The following PAX2 variants were observed in gnomAD, a reference collection of about 807,000 sequenced individuals.
PAX2 encodes the protein paired box protein Pax-2.
PAX2 carries 9 observed loss-of-function variants against 41.7 expected under a neutral mutation model. The observed-to-expected ratio is 0.22, with a 90% CI of 0.13 to 0.38. The LOEUF (loss-of-function observed/expected upper bound fraction) is 0.38. Among genes scored for constraint, PAX2 ranks in the 10% least tolerant of loss-of-function variants. The pLI is 1.00. For synonymous variants in PAX2, 221 were observed against 212.7 expected, an observed-to-expected ratio of 1.04 and a Z score of -0.34; for missense variants, 418 against 531.6, an observed-to-expected ratio of 0.79 and a Z score of 2.10.
chr10:100,761,463 T>C (rs1185180979), intron 3 of PAX2, among the ~76,000 whole-genome samples: 2 of 152,174 alleles, frequency 1.3e-5, no homozygotes, highest in African/African-American at 2.4e-5. Context: ...CCTTAGGAGA[T>C]GACCTCCCAG....
rs527656794 is a variant in PAX2, at chr10:100,748,508, A to AGG, written c.44-1235_44-1234dup. The AGG allele has an allele frequency of 3.4e-4, 332 of 985,130 alleles. 2 individuals are homozygous for AGG. The African/African-American group carries it at 5.3e-3, about 16-fold the overall frequency. 61.0% of individuals were successfully genotyped at this position (985,130 alleles called of 1,614,324 possible). On this transcript the variant is annotated intron_variant, in intron 1 of 9. Transcript: ENST00000355243. This position sits in a 1 kb window ranked among gnomAD's most constrained non-coding sequence, Gnocchi z 5.0. ...GAAACTCGCGTGAGGCTAGCGGGGCAGGGGCTGCAGCTTGCCAGTCCGGGC... is the reference window on the plus strand; with the variant it reads ...GAAACTCGCGTGAGGCTAGCGGGGCAGGGGGGCTGCAGCTTGCCAGTCCGGGC...
intron 3 of PAX2, among the ~76,000 whole-genome samples, chr10:100,769,626 G>GAAAAAAATAA (rs1326957197): frequency 7.9e-6 from 1 of 126,958 alleles, no homozygotes; most frequent in African/African-American, 2.9e-5. Context: ...ATCTCAAAAA[G>GAAAAAAATAA]AATAAAATAA....
At chr10:100,783,659 C>CTT (rs36041109) in intron 5 of PAX2, among the ~76,000 whole-genome samples, 1,994 of 118,382 alleles carry the variant, frequency 0.017, 56 homozygotes, top group East Asian at 0.044. Flanking sequence ...GGAGTTTGGG[C>CTT]TTTTTTTTTT....
At chr10:100,761,655 G>A (rs1329404064) in intron 3 of PAX2, among the ~76,000 whole-genome samples, 1 of 152,204 alleles carries the variant, frequency 6.6e-6, no homozygotes, top group Non-Finnish European at 1.5e-5. Flanking sequence ...AGTACTCTGG[G>A]CCTTTGTTTA....
intron 5 of PAX2, among the ~76,000 whole-genome samples, chr10:100,802,099 G>A (rs1169778547): frequency 1.3e-5 from 2 of 152,132 alleles, no homozygotes; most frequent in African/African-American, 4.8e-5. Context: ...CCCTCTATGG[G>A]GACTGACTAG....
Position 100,749,841 on chromosome 10 carries a change from C to G in PAX2, c.139C>G (p.Gln47Glu). 2 of 1,612,032 alleles carry G rather than the reference C, an allele frequency of 1.2e-6. No individual in the cohort carries two copies. Among genetic ancestry groups the G allele is most frequent in the African/African-American group, 1.3e-5 (1 of 75,052 alleles). Residue 47 changes from glutamine to glutamate, a missense_variant, in exon 2 of 10, where the codon CAG becomes GAG. Transcript: ENST00000355243. ...GCAGCGCATCGTGGAGCTGGCCCAC[C>G]AGGGTGTGCGGCCCTGTGACATCTC... ...VRQRIVELAHQGVRPCDISRQ... is the reference protein window; with the variant it reads ...VRQRIVELAHEGVRPCDISRQ...
chr10:100,757,225 A>C (rs1304928573), intron 3 of PAX2, among the ~76,000 whole-genome samples: 2 of 152,202 alleles, frequency 1.3e-5, no homozygotes, highest in Admixed American at 6.5e-5. Context: ...CAAGAGGAGA[A>C]AAGGGAGGAA....
At chr10:100,794,388 T>A (rs1230656475) in intron 5 of PAX2, among the ~76,000 whole-genome samples, 1 of 152,234 alleles carries the variant, frequency 6.6e-6, no homozygotes, top group East Asian at 1.9e-4. Context: ...ATAGAGGTAA[T>A]GGCATTTGCC....
intron 5 of PAX2, among the ~76,000 whole-genome samples, chr10:100,798,530 G>A (rs1847418604): frequency 6.6e-6 from 1 of 152,098 alleles, no homozygotes; most frequent in Admixed American, 6.5e-5. Context: ...CCCTGGACAA[G>A]CAGTGTCACC....
At chr10:100,775,398 A>T (rs778815746) in intron 3 of PAX2, among the ~76,000 whole-genome samples, 3 of 152,112 alleles carry the variant, frequency 2.0e-5, no homozygotes, top group Non-Finnish European at 4.4e-5. Context: ...CCATGATCCC[A>T]GTTCTTAAAT....
chr10:100,790,481 C>G (rs1589859447), intron 5 of PAX2, among the ~76,000 whole-genome samples: 1 of 152,186 alleles, frequency 6.6e-6, no homozygotes, highest in East Asian at 1.9e-4. Flanking sequence ...GCAAGGGCAC[C>G]AAGCAGGAAA....
At chr10:100,805,732 G>A (rs778304690) in intron 5 of PAX2, among the ~76,000 whole-genome samples, 24 of 152,294 alleles carry the variant, frequency 1.6e-4, no homozygotes, top group Admixed American at 6.5e-4. Context: ...GACAGAGGCC[G>A]AGAAGGCGGC....
intron 6 of PAX2, among the ~76,000 whole-genome samples, chr10:100,807,811 C>A (rs1179622969): frequency 6.6e-6 from 1 of 152,260 alleles, no homozygotes; most frequent in East Asian, 1.9e-4. Flanking sequence ...CCCACACATG[C>A]ACGTCAGTGC....
chr10:100,819,793 A>G (rs1848320398), intron 7 of PAX2, among the ~76,000 whole-genome samples: 2 of 152,204 alleles, frequency 1.3e-5, no homozygotes, highest in Admixed American at 1.3e-4. Context: ...CAATTTTTCA[A>G]CTTTCTTAAT....
intron 1 of PAX2, among the ~76,000 whole-genome samples, chr10:100,737,497 G>C (rs1361937678): frequency 1.3e-5 from 2 of 152,382 alleles, no homozygotes; most frequent in Non-Finnish European, 2.9e-5. Context: ...CCGCCTTTGC[G>C]GGTGCGGGTC....
At chr10:100,780,475 G>C (rs1361919311) in intron 4 of PAX2, among the ~76,000 whole-genome samples, 1 of 152,142 alleles carries the variant, frequency 6.6e-6, no homozygotes, top group Non-Finnish European at 1.5e-5. Flanking sequence ...GAAATGACTA[G>C]TTCCAGCCCT....
intron 5 of PAX2, among the ~76,000 whole-genome samples, chr10:100,794,480 AC>A (rs1336413594): frequency 1.3e-5 from 2 of 151,320 alleles, no homozygotes; most frequent in African/African-American, 4.9e-5. Flanking sequence ...CATCCACTCC[AC>A]CTTATTTACT....
intron 4 of PAX2, among the ~76,000 whole-genome samples, chr10:100,779,842 C>T (rs1276217974): frequency 6.6e-6 from 1 of 152,074 alleles, no homozygotes; most frequent in Non-Finnish European, 1.5e-5. Flanking sequence ...CCTCTCCTCT[C>T]TCTTAAGTGT....
intron 6 of PAX2, among the ~76,000 whole-genome samples, chr10:100,807,076 C>A (rs1847815551): frequency 6.6e-6 from 1 of 152,092 alleles, no homozygotes; most frequent in Non-Finnish European, 1.5e-5. Context: ...CCTGTGCCTG[C>A]CTCCTGCTCC....
Sources: gnomAD v4.1 joint callset for allele counts (sites outside exome capture counted in the v4.1 genomes callset) on GRCh38, gnomAD v4.1.1 for gene constraint, Gnocchi (gnomAD v3.1) non-coding constraint, MANE v1.5 for transcripts, NCBI Gene and HGNC (gene_info 2026-07-23, HGNC 2026-07-21) for gene names.